Variants in PLCD3 observed in about 807,000 individuals in gnomAD.
The protein encoded by PLCD3 is 1-phosphatidylinositol 4,5-bisphosphate phosphodiesterase delta-3.
Under a neutral mutation model 82.8 loss-of-function variants are expected in PLCD3, and 62 were observed. The ratio of observed to expected loss-of-function variants is 0.75; its 90% CI spans 0.61 to 0.93. The LOEUF (loss-of-function observed/expected upper bound fraction) is 0.93, where lower values mean the gene tolerates loss of function less well. PLCD3 is among the 40% of genes least tolerant of loss of function. The pLI is 0.00. For missense variants in PLCD3, 1,023 were observed against 1,103.4 expected (o/e 0.93, Z 1.03); for synonymous variants, 478 against 471.8 (o/e 1.01, Z -0.17).
intron 1 of PLCD3, among the ~76,000 whole-genome samples, chr17:45,123,012 T>A (rs1555610163): frequency 6.6e-6 from 1 of 151,930 alleles, no homozygotes; most frequent in Non-Finnish European, 1.5e-5. Context: ...TGAAAAAAAA[T>A]AAAAATCAAT....
At chr17:45,116,513 G>GA in intron 8 of PLCD3, 119 bp downstream of exon 8, 1 of 1,128,560 alleles carries the variant, frequency 8.9e-7, no homozygotes, top group Non-Finnish European at 1.2e-6. Flanking sequence ...GAGGAACAGA[G>GA]AAAAGTTAAG....
chr17:45,116,875 G>A (rs2054295996), intron 7 of PLCD3, 91 bp from the exon 8 acceptor site: 1 of 1,426,168 alleles, frequency 7.0e-7, no homozygotes, highest in Non-Finnish European at 9.2e-7. Flanking sequence ...AGGACAGGCA[G>A]GCAAAGGCAG....
intron 1 of PLCD3, among the ~76,000 whole-genome samples, chr17:45,128,134 C>G (rs1422924795): frequency 2.0e-5 from 3 of 152,208 alleles, no homozygotes; most frequent in Non-Finnish European, 4.4e-5. Flanking sequence ...CGTGACCCAG[C>G]TGGCTGCCAC....
intron 1 of PLCD3, among the ~76,000 whole-genome samples, chr17:45,125,162 G>A (rs12944415): frequency 0.23 from 32,246 of 142,494 alleles, 3,672 homozygotes; most frequent in Middle Eastern, 0.37. Context: ...CCCTGTTTCT[G>A]TTTAAAATAT....
Position 45,115,196 on chromosome 17 carries a change from C to G in PLCD3, c.1609G>C (p.Ala537Pro). ...GGGTGCAGGGTCCGCAGGCGGGTGG[C>G]GTGGCAGTACACAGCCAGGGCCGAC... is the stretch of plus-strand genomic sequence containing the variant. Reference protein sequence around the residue: ...ELSALAVYCHATRLRTLHPAP... With the variant: ...ELSALAVYCHPTRLRTLHPAP... Residue 537 changes from alanine (A) to proline (P), a missense_variant, in exon 10 of 15, where the codon GCC (alanine) becomes CCC (proline). By Grantham distance (27) the Ala-to-Pro change is conservative. This residue lies in a region of PLCD3 where 553 missense variants were observed against 655.7 expected (regional missense o/e 0.84). Transcript: ENST00000619929. 6.3e-7 allele frequency: 1 copy of G among 1,580,474 alleles called. No individual in the cohort carries two copies. Among genetic ancestry groups the G allele is most frequent in the Non-Finnish European group, 8.6e-7 (1 of 1,162,786 alleles).
chr17:45,121,336 C>G lies in PLCD3; in HGVS notation c.200G>C (p.Arg67Pro). 6.5e-7 allele frequency: 1 copy of G among 1,548,282 alleles called. No homozygotes were observed. The highest frequency in any genetic ancestry group is 8.7e-7 in the Non-Finnish European group (1 of 1,155,558). Reference protein sequence around the residue: ...TEDEDVRAMLRGSRLRKIRSR... With the variant: ...TEDEDVRAMLPGSRLRKIRSR... ...GCGGATCTTGCGGAGCCGGGAGCCCCGCAGCATGGCGCGCACGTCCTCGTC... is the reference window on the plus strand; with the variant it reads ...GCGGATCTTGCGGAGCCGGGAGCCCGGCAGCATGGCGCGCACGTCCTCGTC... Residue 67 changes from arginine (R) to proline (P), a missense_variant, in exon 2 of 15, where the codon CGG becomes CCG. Coordinates refer to ENST00000619929, the MANE Select transcript of PLCD3 (RefSeq NM_133373.5).
Position 45,118,220 on chromosome 17 carries a change from G to T in PLCD3, c.1115+71C>A. On this transcript the variant is annotated intron_variant, in intron 6 of 14. Coordinates refer to ENST00000619929, the MANE Select transcript of PLCD3 (RefSeq NM_133373.5). This position sits in a 1 kb window ranked among gnomAD's most constrained non-coding sequence, Gnocchi z 4.1. Reference sequence around the variant, plus strand: ...GGCAGCAGGCAGGCTGGGCCAGGAAGGCCCCAGGAAGCCAGCCCATGTCTC... The same window carrying T: ...GGCAGCAGGCAGGCTGGGCCAGGAATGCCCCAGGAAGCCAGCCCATGTCTC... The T allele has an allele frequency of 6.2e-7, 1 of 1,611,118 alleles. No homozygotes were observed. The highest frequency in any genetic ancestry group is 8.5e-7 in the Non-Finnish European group (1 of 1,177,990).
intron 4 of PLCD3, among the ~76,000 whole-genome samples, chr17:45,119,603 G>T (rs1280456808): frequency 6.6e-6 from 1 of 152,218 alleles, no homozygotes; most frequent in Non-Finnish European, 1.5e-5. Flanking sequence ...CCTACCCCAG[G>T]AATCAAGATG....
At position 45,113,583 on chromosome 17, in the gene PLCD3, T is replaced by C; in HGVS notation, c.1851A>G (p.Pro617=). Residue 617 remains proline, a synonymous_variant, in exon 12 of 15, where the codon CCA becomes CCG. Coordinates refer to ENST00000619929, the MANE Select transcript of PLCD3 (RefSeq NM_133373.5). ...CQLVALNFQT[P]GYEMDLNAGR... ...CGGCATTGAGGTCCATCTCGTAGCC[T>C]GGCGTCTGGAAGTTCAAGGCCACTG... 3 of 1,556,584 alleles carry C rather than the reference T, an allele frequency of 1.9e-6. No individual in the cohort carries two copies. The highest frequency in any genetic ancestry group is 1.7e-6 in the Non-Finnish European group (2 of 1,150,012).
At position 45,112,551 on chromosome 17, in the gene PLCD3, G is replaced by C; in HGVS notation, c.*65C>G. 1 of 1,477,020 alleles carries C rather than the reference G, an allele frequency of 6.8e-7. No individual in the cohort carries two copies. The highest frequency in any genetic ancestry group is 1.2e-5 in the South Asian group (1 of 82,432). The allele number at this position is 1,477,020 out of a possible 1,614,324, so 91.5% of individuals were successfully genotyped here. On this transcript the variant is annotated 3_prime_UTR_variant, in exon 15 of 15. Transcript: ENST00000619929. ...ACTCCCACCACCTGACTCCAGAGGAGGAGAGGGCTCTGCAGGGGATGTGGA... is the reference window on the plus strand; with the variant it reads ...ACTCCCACCACCTGACTCCAGAGGACGAGAGGGCTCTGCAGGGGATGTGGA...
intron 1 of PLCD3, among the ~76,000 whole-genome samples, chr17:45,123,896 C>T (rs1273036054): frequency 1.3e-5 from 2 of 152,044 alleles, no homozygotes; most frequent in Non-Finnish European, 2.9e-5. Context: ...GTGGAACCCT[C>T]CTCTTTCCAG....
chr17:45,124,307 G>A (rs2054365028), intron 1 of PLCD3, among the ~76,000 whole-genome samples: 1 of 152,256 alleles, frequency 6.6e-6, no homozygotes, highest in African/African-American at 2.4e-5. Context: ...ACTTGGGCAG[G>A]CTCCCAATGG....
chr17:45,123,636 A>C (rs530069222), intron 1 of PLCD3, among the ~76,000 whole-genome samples: 1 of 152,152 alleles, frequency 6.6e-6, no homozygotes, highest in Non-Finnish European at 1.5e-5. Context: ...GAGGCTGCAG[A>C]CACCACAGCC....
At position 45,112,586 on chromosome 17, in the gene PLCD3, G is replaced by C. The variant is rs369852677; in HGVS notation, c.*30C>G. 9 of 1,561,546 alleles carry C rather than the reference G, an allele frequency of 5.8e-6. No individual in the cohort carries two copies. Among genetic ancestry groups the C allele is most frequent in the African/African-American group, 1.4e-5 (1 of 73,680 alleles). ...CTGCAGGGGATGTGGACTGGCACTC[G>C]CAGAACCCCAAGGCGAGTGAGGTGG... On this transcript the variant is annotated 3_prime_UTR_variant, in exon 15 of 15. Transcript: ENST00000619929.
intron 8 of PLCD3, 72 bp downstream of exon 8, chr17:45,116,560 G>A (rs2054293061): frequency 7.0e-7 from 1 of 1,434,624 alleles, no homozygotes; most frequent in Non-Finnish European, 9.3e-7. Flanking sequence ...CACAGAGGTG[G>A]CACGAGCAGT....
In PLCD3 at chr17:45,132,419, G is replaced by A. The variant is rs917934938; in HGVS notation, c.-9C>T. ...CAGCGGCCGCACAGCATGGCTTGGC[G>A]GGGGGCCGGGGCCGGGCCCGGGGTC... is the stretch of plus-strand genomic sequence containing the variant. On this transcript the variant is annotated 5_prime_UTR_variant, in exon 1 of 15. Transcript: ENST00000619929. The surrounding 1 kb of genome is among the most constrained non-coding windows in gnomAD (Gnocchi z 4.6). 81 of 1,208,332 alleles carry A rather than the reference G, an allele frequency of 6.7e-5. No homozygotes were observed. The highest frequency in any genetic ancestry group is 5.2e-4 in the African/African-American group (33 of 63,330). 74.9% of individuals were successfully genotyped at this position (1,208,332 alleles called of 1,614,324 possible).
intron 1 of PLCD3, among the ~76,000 whole-genome samples, chr17:45,128,245 C>T (rs527911339): frequency 8.5e-5 from 13 of 152,350 alleles, no homozygotes; most frequent in African/African-American, 2.2e-4. Flanking sequence ...CCCTTGGCCC[C>T]GGGTGGGACA....
chr17:45,112,483 T>A lies in PLCD3; in HGVS notation c.*133A>T, dbSNP rs2054250828. ...GCACCCAGGTGAGACCAGCGCCTGGTGAATGGGCTGAGTGGGCCAAGTGGG... is the reference window on the plus strand; with the variant it reads ...GCACCCAGGTGAGACCAGCGCCTGGAGAATGGGCTGAGTGGGCCAAGTGGG... On this transcript the variant is annotated 3_prime_UTR_variant, in exon 15 of 15. Transcript: ENST00000619929. 1 of 985,798 alleles carries A rather than the reference T, an allele frequency of 1.0e-6. No individual in the cohort carries two copies. The highest frequency in any genetic ancestry group is 2.6e-5 in the East Asian group (1 of 38,186). The allele number at this position is 985,798 out of a possible 1,614,324, so 61.1% of individuals were successfully genotyped here. A position where few individuals can be genotyped will look rare whatever the true frequency, so the allele number is the denominator to read the frequency against.
chr17:45,125,180 C>T lies in PLCD3; in HGVS notation c.164-3808G>A, dbSNP rs182560962. On this transcript the variant is annotated intron_variant, in intron 1 of 14. Transcript: ENST00000619929. ...TGTTTCTGTTTAAAATATAAAACAT[C>T]AGCCGGGCATGGTGGCTCACACCTG... Among the ~76,000 whole-genome samples the T allele has an allele frequency of 5.5e-3, 819 of 147,662 alleles. 37 individuals carry two copies. Among genetic ancestry groups the T allele is most frequent in the East Asian group, 0.019 (92 of 4,854 alleles).
Sources: allele counts gnomAD v4.1 joint callset (sites outside exome capture counted in the v4.1 genomes callset), GRCh38; gene constraint gnomAD v4.1.1; regional missense constraint gnomAD v4.1.1; non-coding constraint Gnocchi (gnomAD v3.1); transcripts MANE v1.5; gene names NCBI Gene and HGNC (gene_info 2026-07-23, HGNC 2026-07-21).